PNPLA4: variants seen among roughly 807,000 people sequenced by gnomAD.
PNPLA4 encodes patatin like domain 4, phospholipase and triacylglycerol lipase.
In PNPLA4, 15 loss-of-function variants were observed where a neutral mutation model predicts 18.3. That is an observed-to-expected ratio of 0.82 (90% CI 0.55 to 1.26). The LOEUF (loss-of-function observed/expected upper bound fraction) is 1.26. Ranked by LOEUF, PNPLA4 falls within the 50% of genes most tolerant of loss-of-function variation. The pLI, the probability that PNPLA4 is intolerant of heterozygous loss-of-function variation, is 0.00. For synonymous variants in PNPLA4, 88 were observed against 85.6 expected, an observed-to-expected ratio of 1.03 and a Z score of -0.16; for missense variants, 229 against 196.8, an observed-to-expected ratio of 1.16 and a Z score of -0.98.
At position 7,926,103 on chromosome X, in the gene PNPLA4, AG is replaced by A. The variant is rs1309343346; in HGVS notation, c.16del (p.Leu6TyrfsTer28). On this transcript the variant is annotated frameshift_variant, in exon 2 of 7. Coordinates refer to ENST00000381042, the MANE Select transcript of PNPLA4 (RefSeq NM_004650.3). MKHIN[L>X]SFAACGFLGI... is the part of the protein sequence containing the mutation. ...CAGAAATCCACACGCTGCAAATGATAGGTTGATGTGCTTCATTCTAGCTGTA... is the reference window on the plus strand; with the variant it reads ...CAGAAATCCACACGCTGCAAATGATAGTTGATGTGCTTCATTCTAGCTGTA... 2 of 1,209,060 alleles carry A rather than the reference AG, an allele frequency of 1.7e-6. No homozygotes were observed. The highest frequency in any genetic ancestry group is 4.7e-4 in the Middle Eastern group (2 of 4,244).
rs1167397967 is a variant in PNPLA4, at chrX:7,926,059, C to T, written c.61G>A (p.Ala21Thr). The T allele has an allele frequency of 7.4e-6, 9 of 1,210,514 alleles. No individual in the cohort carries two copies. The highest frequency in any genetic ancestry group is 3.0e-5 in the East Asian group (1 of 33,863). Residue 21 changes from alanine to threonine, a missense_variant, in exon 2 of 7, where the codon GCA becomes ACA. Physicochemically the swap from Ala to Thr is moderately conservative, Grantham distance 58. Coordinates refer to ENST00000381042, the MANE Select transcript of PNPLA4 (RefSeq NM_004650.3). Reference protein sequence around the residue: ...CGFLGIYHLGAASALCRHGKK... With the variant: ...CGFLGIYHLGTASALCRHGKK... ...CCATGTCTGCAAAGTGCAGATGCTG[C>T]CCCCAAGTGGTAAATGCCCAGAAAT...
chrX:7,926,508 T>C (rs1924416028), intron 1 of PNPLA4, among the ~76,000 whole-genome samples: 1 of 111,869 alleles, frequency 8.9e-6, no homozygotes, highest in South Asian at 3.7e-4. Flanking sequence ...GCACTACCAT[T>C]ATGAAACAGA....
intron 5 of PNPLA4, among the ~76,000 whole-genome samples, chrX:7,911,313 A>G (rs1335779481): frequency 3.6e-5 from 4 of 112,114 alleles, no homozygotes; most frequent in Non-Finnish European, 5.6e-5. Flanking sequence ...AATAGACACT[A>G]TATTTGAGAA....
chrX:7,919,693 G>A (rs1458202330), intron 4 of PNPLA4, among the ~76,000 whole-genome samples: 2 of 111,845 alleles, frequency 1.8e-5, no homozygotes, highest in African/African-American at 6.5e-5. Context: ...ATTAGGGTAA[G>A]GACAGTTTTG....
At chrX:7,926,499 C>T (rs1369210744) in intron 1 of PNPLA4, among the ~76,000 whole-genome samples, 2 of 111,858 alleles carry the variant, frequency 1.8e-5, no homozygotes, top group Non-Finnish European at 3.8e-5. Flanking sequence ...GTGGGGGCGG[C>T]ACTACCATTA....
chrX:7,921,236 C>T (rs748440114), intron 4 of PNPLA4, among the ~76,000 whole-genome samples: 18 of 111,340 alleles, frequency 1.6e-4, no homozygotes, highest in Non-Finnish European at 2.8e-4. Context: ...CACCACTGCA[C>T]TCCAGCCTAG....
At chrX:7,918,678 C>T (rs1388945786) in intron 4 of PNPLA4, among the ~76,000 whole-genome samples, 1 of 111,233 alleles carries the variant, frequency 9.0e-6, no homozygotes, top group African/African-American at 3.3e-5. Context: ...AGTGGGGTGA[C>T]CTTCAGGCAG....
rs781418690 is a variant in PNPLA4, at chrX:7,900,659, G to A, written c.*27C>T. On this transcript the variant is annotated 3_prime_UTR_variant, in exon 7 of 7. Transcript: ENST00000381042. ...TTCCATCAAAAACTATCTAAAACGT[G>A]TTTTGCATTATAAACTTTTATGCAT... The A allele has an allele frequency of 4.2e-5, 44 of 1,050,984 alleles. No homozygotes were observed. The highest frequency in any genetic ancestry group is 5.4e-5 in the Non-Finnish European group (42 of 774,990). 86.6% of individuals were successfully genotyped at this position (1,050,984 alleles called of 1,213,427 possible).
chrX:7,918,099 C>T (rs1012799051), intron 4 of PNPLA4, among the ~76,000 whole-genome samples: 1 of 112,117 alleles, frequency 8.9e-6, no homozygotes, highest in Non-Finnish European at 1.9e-5. Flanking sequence ...TTTACTCTAA[C>T]TTGAGTTTTA....
At chrX:7,914,148 T>G (rs377077069) in intron 4 of PNPLA4, among the ~76,000 whole-genome samples, 1 of 112,418 alleles carries the variant, frequency 8.9e-6, no homozygotes, top group Admixed American at 9.4e-5. Flanking sequence ...ACGCAAGGTC[T>G]GCCAACCTTC....
intron 5 of PNPLA4, among the ~76,000 whole-genome samples, chrX:7,902,713 A>C (rs1170018570): frequency 8.9e-6 from 1 of 111,835 alleles, no homozygotes; most frequent in African/African-American, 3.3e-5. Context: ...AAGGGGAGTG[A>C]GTGATGGAGA....
intron 4 of PNPLA4, among the ~76,000 whole-genome samples, chrX:7,918,375 C>T (rs1480953747): frequency 9.0e-6 from 1 of 111,588 alleles, no homozygotes; most frequent in African/African-American, 3.3e-5. Flanking sequence ...GCAGAAACCC[C>T]TTATAAAACC....
At chrX:7,907,524 A>G (rs1601644799) in intron 5 of PNPLA4, among the ~76,000 whole-genome samples, 1 of 112,108 alleles carries the variant, frequency 8.9e-6, no homozygotes, top group East Asian at 2.8e-4. Context: ...GATTTATTCT[A>G]CCACTGGAAA....
chrX:7,905,782 G>A, intron 5 of PNPLA4, among the ~76,000 whole-genome samples: 1 of 111,868 alleles, frequency 8.9e-6, no homozygotes, highest in Admixed American at 9.5e-5. Context: ...TCACGGGGTG[G>A]TAAACTACGA....
chrX:7,907,447 T>C (rs112109819), intron 5 of PNPLA4, among the ~76,000 whole-genome samples: 5 of 112,549 alleles, frequency 4.4e-5, no homozygotes, highest in Non-Finnish European at 9.4e-5. Flanking sequence ...TCTTGAAAAT[T>C]TTCATTCTTA....
rs1033829237 is a variant in PNPLA4 at position 7,898,884 on chromosome X, C to A, written c.*1802G>T. 2.7e-5 allele frequency: 3 copies of A among 111,856 alleles called. No homozygotes were observed. Among genetic ancestry groups the A allele is most frequent in the African/African-American group, 6.5e-5 (2 of 30,740 alleles). The allele number at this position is 111,856 out of a possible 1,213,427, so 9.2% of individuals were successfully genotyped here. ...AGATTTGGTTTTGCAGCTTAAATTTCTTCAATTTAAGGGTACATCAACAAG... is the reference window on the plus strand; with the variant it reads ...AGATTTGGTTTTGCAGCTTAAATTTATTCAATTTAAGGGTACATCAACAAG... On this transcript the variant is annotated 3_prime_UTR_variant, in exon 7 of 7. Transcript: ENST00000381042.
At chrX:7,923,079 G>A (rs758694395) in intron 2 of PNPLA4, among the ~76,000 whole-genome samples, 3 of 112,539 alleles carry the variant, frequency 2.7e-5, no homozygotes, top group South Asian at 3.7e-4. Flanking sequence ...CAGAATTTCA[G>A]TTAAGTGGCT....
intron 2 of PNPLA4, among the ~76,000 whole-genome samples, chrX:7,922,516 T>C (rs1041031388): frequency 3.6e-5 from 4 of 112,106 alleles, no homozygotes; most frequent in Non-Finnish European, 7.5e-5. Flanking sequence ...GTGACAGAAA[T>C]AGGAGTAGTG....
At chrX:7,901,484 G>A (rs1363076796) in intron 6 of PNPLA4, among the ~76,000 whole-genome samples, 3 of 111,181 alleles carry the variant, frequency 2.7e-5, no homozygotes, top group Non-Finnish European at 5.7e-5. Context: ...GTACTTGGGA[G>A]GCTGAGGTGG....
Sources: gnomAD v4.1 joint callset for allele counts (sites outside exome capture counted in the v4.1 genomes callset) on GRCh38, gnomAD v4.1.1 for gene constraint, MANE v1.5 for transcripts, NCBI Gene and HGNC (gene_info 2026-07-23, HGNC 2026-07-21) for gene names.